Variants in FILIP1L observed in about 807,000 individuals in gnomAD.
FILIP1L encodes the protein filamin A-interacting protein 1-like.
In FILIP1L, 55 loss-of-function variants were observed where a neutral mutation model predicts 96.6. The ratio of observed to expected loss-of-function variants is 0.57; its 90% confidence interval spans 0.46 to 0.71. The LOEUF (loss-of-function observed/expected upper bound fraction) is 0.71. Among genes scored for constraint, FILIP1L ranks in the 30% least tolerant of loss-of-function variants. The pLI is 0.00. For missense variants in FILIP1L, 1,304 were observed against 1,321.2 expected (o/e 0.99, Z 0.20); for synonymous variants, 467 against 473.9 (o/e 0.99, Z 0.19).
intron 4 of FILIP1L, among the ~76,000 whole-genome samples, chr3:99,870,038 T>C (rs1944712546): frequency 6.6e-6 from 1 of 152,252 alleles, no homozygotes; most frequent in Admixed American, 6.5e-5. Flanking sequence ...TTAGCTAATT[T>C]GTCTCTGTAG....
At chr3:99,967,097 A>G (rs192052097) in intron 1 of FILIP1L, among the ~76,000 whole-genome samples, 1 of 152,168 alleles carries the variant, frequency 6.6e-6, no homozygotes, top group Non-Finnish European at 1.5e-5. Context: ...AAGTTCTCAG[A>G]CTCTCTTCAC....
intron 1 of FILIP1L, among the ~76,000 whole-genome samples, chr3:100,073,596 ATCT>A (rs935638558): frequency 1.3e-5 from 2 of 152,294 alleles, no homozygotes; most frequent in Non-Finnish European, 2.9e-5. Flanking sequence ...ATGAGTAAAT[ATCT>A]TCATTTAGCA....
intron 1 of FILIP1L, among the ~76,000 whole-genome samples, chr3:99,997,121 C>T (rs1218995663): frequency 6.6e-6 from 1 of 151,928 alleles, no homozygotes; most frequent in African/African-American, 2.4e-5. Flanking sequence ...AAGATCAGAG[C>T]AGAACTAAAT....
At chr3:100,081,446 C>A (rs1344809510) in intron 1 of FILIP1L, among the ~76,000 whole-genome samples, 1 of 152,122 alleles carries the variant, frequency 6.6e-6, no homozygotes, top group Non-Finnish European at 1.5e-5. Flanking sequence ...CAATGCTAGT[C>A]TCTTAGAGGA....
At chr3:100,081,972 G>A (rs114439318) in intron 1 of FILIP1L, among the ~76,000 whole-genome samples, 2,603 of 152,204 alleles carry the variant, frequency 0.017, 82 homozygotes, top group African/African-American at 0.058. Flanking sequence ...TTTTAGAGTA[G>A]GAGGTATGGC....
intron 5 of FILIP1L, among the ~76,000 whole-genome samples, chr3:99,838,401 A>G (rs1218688749): frequency 6.6e-6 from 1 of 152,174 alleles, no homozygotes; most frequent in East Asian, 1.9e-4. Context: ...AGAGGCGAGC[A>G]TTGATACAGA....
At chr3:100,039,266 G>A (rs1187491949) in intron 1 of FILIP1L, among the ~76,000 whole-genome samples, 1 of 152,084 alleles carries the variant, frequency 6.6e-6, no homozygotes, top group Non-Finnish European at 1.5e-5. Context: ...AAAAAACTGA[G>A]CAACCTTTTC....
chr3:100,024,016 A>G (rs2064874568), intron 1 of FILIP1L, among the ~76,000 whole-genome samples: 1 of 152,184 alleles, frequency 6.6e-6, no homozygotes, highest in Admixed American at 6.5e-5. Flanking sequence ...CTCCCCCTTC[A>G]GCTGACAGAC....
chr3:99,880,823 T>A (rs981210663), intron 4 of FILIP1L, among the ~76,000 whole-genome samples: 2 of 152,338 alleles, frequency 1.3e-5, no homozygotes, highest in African/African-American at 4.8e-5. Flanking sequence ...TTTCTTTTAG[T>A]CTTTTTCTAA....
At chr3:99,879,065 A>AT (rs1193042880) in intron 4 of FILIP1L, among the ~76,000 whole-genome samples, 1 of 152,094 alleles carries the variant, frequency 6.6e-6, no homozygotes. Flanking sequence ...CTTTCTTTTC[A>AT]TTTTTTAATC....
intron 3 of FILIP1L, 43 bp downstream of exon 3, chr3:99,929,813 G>T: frequency 6.8e-7 from 1 of 1,478,114 alleles, no homozygotes; most frequent in Non-Finnish European, 9.2e-7. Flanking sequence ...CAGGGCTAGT[G>T]CTTGGCTGCC....
At chr3:100,004,057 G>A (rs1709919147) in intron 1 of FILIP1L, among the ~76,000 whole-genome samples, 1 of 152,104 alleles carries the variant, frequency 6.6e-6, no homozygotes, top group South Asian at 2.1e-4. Flanking sequence ...TACTCAGATG[G>A]TTACCAAAAC....
intron 4 of FILIP1L, among the ~76,000 whole-genome samples, chr3:99,896,564 AAGT>A (rs1244437662): frequency 2.0e-5 from 3 of 152,188 alleles, no homozygotes; most frequent in Admixed American, 6.5e-5. Flanking sequence ...CCCTTTATTA[AAGT>A]AGTAAGAACA....
chr3:99,858,205 C>A (rs1349719276), intron 4 of FILIP1L, among the ~76,000 whole-genome samples: 1 of 152,182 alleles, frequency 6.6e-6, no homozygotes, highest in African/African-American at 2.4e-5. Flanking sequence ...GTGGCTCACA[C>A]CTATAATCCC....
intron 1 of FILIP1L, among the ~76,000 whole-genome samples, chr3:100,019,499 GATTTA>G (rs1249471232): frequency 6.6e-6 from 1 of 152,092 alleles, no homozygotes; most frequent in Non-Finnish European, 1.5e-5. Flanking sequence ...TATTTTTAGT[GATTTA>G]ATTTCTAAAA....
chr3:99,961,419 G>C (rs1425938105), intron 1 of FILIP1L, among the ~76,000 whole-genome samples: 1 of 151,964 alleles, frequency 6.6e-6, no homozygotes, highest in African/African-American at 2.4e-5. Context: ...TGACTCTTAT[G>C]CTATATATGC....
Position 99,887,969 on chromosome 3 carries a change from G to A in FILIP1L, c.605+36261C>T, listed in dbSNP as rs149347648. ...TGCCCAGGCTCATCTTGAACTCCTG[G>A]GAAGGTTCAAGCAATCCATCCACCT... is the stretch of plus-strand genomic sequence containing the variant. On this transcript the variant is annotated intron_variant, in intron 4 of 5. Coordinates refer to ENST00000477258, the MANE Select transcript of FILIP1L (RefSeq NM_001387850.1). 9.3e-4 allele frequency among the ~76,000 whole-genome samples: 142 copies of A among 152,048 alleles called. 1 individual carries two copies. The highest frequency in any genetic ancestry group is 6.8e-3 in the East Asian group (35 of 5,164).
chr3:100,110,494 C>G (rs1244470131), intron 1 of FILIP1L, among the ~76,000 whole-genome samples: 1 of 152,008 alleles, frequency 6.6e-6, no homozygotes, highest in African/African-American at 2.4e-5. Context: ...CATTTCAAGC[C>G]ACAAATAGAG....
intron 1 of FILIP1L, among the ~76,000 whole-genome samples, chr3:99,936,530 C>T (rs113896850): frequency 2.0e-4 from 28 of 139,944 alleles, no homozygotes; most frequent in African/African-American, 2.7e-4. Context: ...CGCGCACCAC[C>T]ACACCCAGCT....
Sources: gnomAD v4.1 joint callset for allele counts (sites outside exome capture counted in the v4.1 genomes callset) on GRCh38, gnomAD v4.1.1 for gene constraint, MANE v1.5 for transcripts, NCBI Gene and HGNC (gene_info 2026-07-23, HGNC 2026-07-21) for gene names.